ADAM2: variants seen among roughly 807,000 people sequenced by gnomAD.
The protein encoded by ADAM2 is ADAM metallopeptidase domain 2, also known as disintegrin and metalloproteinase domain-containing protein 2.
A neutral mutation model predicts 99.3 loss-of-function variants in ADAM2; 101 were observed. The observed-to-expected ratio is 1.02, with a 90% CI of 0.87 to 1.20. The LOEUF (loss-of-function observed/expected upper bound fraction) is 1.20, where lower values mean the gene tolerates loss of function less well. Ranked by LOEUF, ADAM2 falls within the 50% of genes most tolerant of loss-of-function variation. ADAM2 has a pLI of 0.00. For synonymous variants in ADAM2, 323 were observed against 287.6 expected (o/e 1.12, Z -1.25); for missense variants, 948 against 878.7 (o/e 1.08, Z -1.00).
chr8:39,837,234 T>G, intron 1 of ADAM2, 22 bp from the exon 2 acceptor site: 1 of 1,553,898 alleles, frequency 6.4e-7, no homozygotes, highest in African/African-American at 1.4e-5. Flanking sequence ...GCAAAATGTT[T>G]TATTAGAACA....
chr8:39,791,802 T>C (rs1803727944), intron 7 of ADAM2, among the ~76,000 whole-genome samples: 1 of 152,060 alleles, frequency 6.6e-6, no homozygotes, highest in South Asian at 2.1e-4. Flanking sequence ...CCTCCTTGTT[T>C]CTTATCTTAT....
At chr8:39,822,999 C>T (rs1241970728) in intron 4 of ADAM2, among the ~76,000 whole-genome samples, 1 of 152,118 alleles carries the variant, frequency 6.6e-6, no homozygotes, top group Non-Finnish European at 1.5e-5. Context: ...CATCTCTTGA[C>T]CTCATGATCT....
intron 20 of ADAM2, among the ~76,000 whole-genome samples, chr8:39,744,459 T>G (rs1422214247): frequency 6.6e-6 from 1 of 152,014 alleles, no homozygotes; most frequent in East Asian, 1.9e-4. Context: ...CTTAAAATAT[T>G]TGGAACTCAC....
At chr8:39,767,132 A>C (rs756070816) in intron 13 of ADAM2, 21 bp downstream of exon 13, 2 of 1,599,790 alleles carry the variant, frequency 1.3e-6, no homozygotes, top group South Asian at 1.1e-5. Context: ...GTAATATTGA[A>C]ATTTTTCAAA....
intron 10 of ADAM2, among the ~76,000 whole-genome samples, chr8:39,783,548 T>C (rs1018341253): frequency 6.6e-6 from 1 of 152,128 alleles, no homozygotes; most frequent in East Asian, 1.9e-4. Flanking sequence ...CCAAATTGTC[T>C]CCCTCCCACT....
chr8:39,767,281 T>C, intron 12 of ADAM2, 30 bp from the exon 13 acceptor site: 1 of 1,549,350 alleles, frequency 6.5e-7, no homozygotes, highest in Non-Finnish European at 8.8e-7. Context: ...CTCTGAAGTA[T>C]TTTCCAACTT....
At chr8:39,761,098 A>G in intron 15 of ADAM2, 78 bp downstream of exon 15, 1 of 890,976 alleles carries the variant, frequency 1.1e-6, no homozygotes, top group Non-Finnish European at 1.6e-6. Flanking sequence ...TTTTGCTTAC[A>G]TAAACTTAAT....
chr8:39,777,021 T>C lies in ADAM2; in HGVS notation c.1028+4A>G. ...ATGTAAAGTATAAAAGTCAGAAATC[T>C]TACATTGCTTCTGGATTCATAATGC... On this transcript the variant is annotated splice_donor_region_variant and intron_variant, in intron 11 of 20. Transcript: ENST00000265708. The C allele has an allele frequency of 1.3e-6, 2 of 1,548,442 alleles. No individual in the cohort carries two copies. Among genetic ancestry groups the C allele is most frequent in the Middle Eastern group, 3.7e-4 (2 of 5,342 alleles).
chr8:39,796,617 A>G (rs1803964291), intron 7 of ADAM2, among the ~76,000 whole-genome samples: 1 of 152,186 alleles, frequency 6.6e-6, no homozygotes, highest in Non-Finnish European at 1.5e-5. Flanking sequence ...GAATCTCCAT[A>G]CTGTCTTCCA....
At chr8:39,801,118 T>A (rs10110906) in intron 7 of ADAM2, among the ~76,000 whole-genome samples, 15,182 of 152,214 alleles carry the variant, frequency 0.1, 812 homozygotes, top group African/African-American at 0.13. Flanking sequence ...GTTTTCAGCA[T>A]TTTTTTCATT....
At chr8:39,750,533 T>C (rs189042535) in intron 16 of ADAM2, among the ~76,000 whole-genome samples, 1 of 152,072 alleles carries the variant, frequency 6.6e-6, no homozygotes, top group African/African-American at 2.4e-5. Context: ...GAAAAGAGAA[T>C]GGAAAGGGCA....
At chr8:39,810,802 T>G (rs1002496454) in intron 6 of ADAM2, among the ~76,000 whole-genome samples, 3 of 152,168 alleles carry the variant, frequency 2.0e-5, no homozygotes, top group Non-Finnish European at 4.4e-5. Context: ...GAGGGAAATT[T>G]ATAGCACTAA....
intron 15 of ADAM2, among the ~76,000 whole-genome samples, chr8:39,758,341 T>C (rs946831327): frequency 3.3e-5 from 5 of 152,138 alleles, no homozygotes; most frequent in African/African-American, 1.2e-4. Context: ...TGTATGTGTT[T>C]ATAATGTGTG....
intron 7 of ADAM2, among the ~76,000 whole-genome samples, chr8:39,792,979 A>C (rs1803784855): frequency 6.6e-6 from 1 of 152,104 alleles, no homozygotes; most frequent in African/African-American, 2.4e-5. Flanking sequence ...AACTCTAGTC[A>C]GTTATTTTGA....
chr8:39,809,393 A>C lies in ADAM2; in HGVS notation c.570+17T>G. 1.0e-6 allele frequency: 1 copy of C among 970,230 alleles called. No homozygotes were observed. The highest frequency in any genetic ancestry group is 2.5e-5 in the East Asian group (1 of 39,696). 60.1% of individuals were successfully genotyped at this position (970,230 alleles called of 1,614,324 possible). A position where few individuals can be genotyped will look rare whatever the true frequency, so the allele number is the denominator to read the frequency against. On this transcript the variant is annotated intron_variant, in intron 7 of 20. Transcript: ENST00000265708. ...TTGCAAATATTAAGGGACATAAATA[A>C]ATCAGAATATACTTACCAATTGTTT... is the stretch of plus-strand genomic sequence containing the variant.
At chr8:39,764,871 C>T (rs995200452) in intron 14 of ADAM2, among the ~76,000 whole-genome samples, 16 of 151,678 alleles carry the variant, frequency 1.1e-4, no homozygotes, top group Non-Finnish European at 1.8e-4. Flanking sequence ...AAAAATTAGC[C>T]GGGTGTGGTG....
chr8:39,802,042 T>C (rs1349087770), intron 7 of ADAM2, among the ~76,000 whole-genome samples: 2 of 152,184 alleles, frequency 1.3e-5, no homozygotes, highest in Admixed American at 6.5e-5. Flanking sequence ...CCTGGGGAGT[T>C]AGGTAGGCTT....
At chr8:39,784,101 C>T (rs75759999) in intron 10 of ADAM2, among the ~76,000 whole-genome samples, 8,674 of 152,186 alleles carry the variant, frequency 0.057, 831 homozygotes, top group African/African-American at 0.2. Context: ...ATCTACAGCC[C>T]TGCAGGATTA....
intron 14 of ADAM2, among the ~76,000 whole-genome samples, chr8:39,766,270 A>T (rs1446347977): frequency 1.3e-5 from 2 of 152,196 alleles, no homozygotes; most frequent in African/African-American, 4.8e-5. Flanking sequence ...AAGTAAAAGT[A>T]TAGTTTGTGT....
Sources: allele counts gnomAD v4.1 joint callset (sites outside exome capture counted in the v4.1 genomes callset), GRCh38; gene constraint gnomAD v4.1.1; transcripts MANE v1.5; gene names NCBI Gene and HGNC (gene_info 2026-07-23, HGNC 2026-07-21).